Variants in NME7 observed in about 807,000 individuals in gnomAD.
The protein encoded by NME7 is nucleoside diphosphate kinase 7.
In NME7, 41 loss-of-function variants were observed where a neutral mutation model predicts 49.1. That is an observed-to-expected ratio of 0.83 (90% CI 0.65 to 1.08). The LOEUF (loss-of-function observed/expected upper bound fraction) is 1.08, where lower values mean the gene tolerates loss of function less well. Among genes scored for constraint, NME7 ranks in the 50% least tolerant of loss-of-function variants. The pLI is 0.00. For synonymous variants in NME7, 139 were observed against 150.6 expected (o/e 0.92, Z 0.56); for missense variants, 423 against 463.4 (o/e 0.91, Z 0.80).
At chr1:169,251,258 T>G (rs1018090177) in intron 7 of NME7, among the ~76,000 whole-genome samples, 2 of 152,150 alleles carry the variant, frequency 1.3e-5, no homozygotes, top group African/African-American at 4.8e-5. Flanking sequence ...CTGTTGTTGC[T>G]TTAAAATCTG....
At position 169,363,921 on chromosome 1, in the gene NME7, G is replaced by GT. The variant is rs1653755192; in HGVS notation, c.3+3786dup. On this transcript the variant is annotated intron_variant, in intron 1 of 11. Coordinates refer to ENST00000367811, the MANE Select transcript of NME7 (RefSeq NM_013330.5). ...TTCCTGGGAAGTTTGATAACATAAT[G>GT]TAAGACAGGCAAAAACCAAAAACAG... Among the ~76,000 whole-genome samples the GT allele has an allele frequency of 3.3e-5, 5 of 152,294 alleles. No individual in the cohort carries two copies. In the South Asian group the frequency reaches 1.0e-3, roughly 32 times the overall value.
chr1:169,134,785 G>T (rs1411396961), intron 11 of NME7, among the ~76,000 whole-genome samples: 1 of 151,762 alleles, frequency 6.6e-6, no homozygotes, highest in African/African-American at 2.4e-5. Flanking sequence ...AGCACTGAAT[G>T]GATTTAAAGA....
At chr1:169,248,090 A>G (rs1648399192) in intron 7 of NME7, among the ~76,000 whole-genome samples, 1 of 152,190 alleles carries the variant, frequency 6.6e-6, no homozygotes, top group South Asian at 2.1e-4. Context: ...ACTAATTTAC[A>G]TTCCTACCAG....
chr1:169,197,176 C>T (rs1383476557), intron 10 of NME7, among the ~76,000 whole-genome samples: 1 of 151,850 alleles, frequency 6.6e-6, no homozygotes, highest in Admixed American at 6.6e-5. Context: ...ATGAAATGTT[C>T]TATATTTAAC....
intron 1 of NME7, among the ~76,000 whole-genome samples, chr1:169,361,076 C>T (rs929109117): frequency 6.6e-6 from 1 of 152,038 alleles, no homozygotes; most frequent in African/African-American, 2.4e-5. Context: ...TGTGTGCTAT[C>T]TTATTAATCA....
Position 169,268,853 on chromosome 1 carries a change from A to G in NME7, c.754+18450T>C, listed in dbSNP as rs535016403. Among the ~76,000 whole-genome samples, 30 of 133,262 alleles carry G rather than the reference A, an allele frequency of 2.3e-4. 5 individuals carry two copies. The highest frequency in any genetic ancestry group is 6.8e-4 in the African/African-American group (27 of 39,558). 87.4% of individuals were successfully genotyped at this position (133,262 alleles called of 152,430 possible). ...ATACCTACAGAGTACTGTGCTTGGT[A>G]ATGGGGTGACGAAATAATCTGTTAA... is the stretch of plus-strand genomic sequence containing the variant. On this transcript the variant is annotated intron_variant, in intron 7 of 11. Coordinates refer to ENST00000367811, the MANE Select transcript of NME7 (RefSeq NM_013330.5).
intron 4 of NME7, among the ~76,000 whole-genome samples, chr1:169,308,123 C>T (rs1651249949): frequency 6.6e-6 from 1 of 152,056 alleles, no homozygotes; most frequent in African/African-American, 2.4e-5. Context: ...GCAATCTGGT[C>T]TAAATACTGT....
In NME7 at chr1:169,310,061, G is replaced by T. The variant is rs1269494724; in HGVS notation, c.298C>A (p.Pro100Thr). 1 of 1,603,784 alleles carries T rather than the reference G, an allele frequency of 6.2e-7. No individual in the cohort carries two copies. The highest frequency in any genetic ancestry group is 8.5e-7 in the Non-Finnish European group (1 of 1,174,612). The change falls in exon 4 of 12, where the codon CCA becomes ACA. Residue 100 changes from proline (P) to threonine (T), a missense_variant. Physicochemically the swap from Pro to Thr is conservative, Grantham distance 38. Transcript: ENST00000367811. ...RKEKTLALIK[P>T]DAISKAGEII... is the part of the protein sequence containing the mutation. Reference sequence around the variant, plus strand: ...TCTCCAGCCTTTGATATTGCATCTGGTTTAATTAGGGCTAGCGTTCTATAA... The same window carrying T: ...TCTCCAGCCTTTGATATTGCATCTGTTTTAATTAGGGCTAGCGTTCTATAA...
chr1:169,284,390 C>G (rs1034739913), intron 7 of NME7: 1 of 151,918 alleles, frequency 6.6e-6, no homozygotes, highest in African/African-American at 2.4e-5. Context: ...TGAATGTCTT[C>G]TTTTGAGAAG....
rs532269264 is a variant in NME7, at chr1:169,286,576, T to C, written c.754+727A>G. ...ATATGTATATATATGCAAACATGTATATACATACATATGTCAAAGAACTGT... is the reference window on the plus strand; with the variant it reads ...ATATGTATATATATGCAAACATGTACATACATACATATGTCAAAGAACTGT... On this transcript the variant is annotated intron_variant, in intron 7 of 11. Transcript: ENST00000367811. 2.0e-5 allele frequency: 3 copies of C among 152,246 alleles called. No homozygotes were observed. The East Asian group carries it at 5.8e-4, about 29-fold the overall frequency. The allele number at this position is 152,246 out of a possible 1,614,324, so 9.4% of individuals were successfully genotyped here.
rs1451423925 is a variant in NME7, at chr1:169,266,801, C to T, written c.754+20502G>A. Among the ~76,000 whole-genome samples, 4 of 133,290 alleles carry T rather than the reference C, an allele frequency of 3.0e-5. 2 individuals carry two copies. The highest frequency in any genetic ancestry group is 7.1e-5 in the Non-Finnish European group (4 of 56,706). The allele number at this position is 133,290 out of a possible 152,430, so 87.4% of individuals were successfully genotyped here. A position where few individuals can be genotyped will look rare whatever the true frequency, so the allele number is the denominator to read the frequency against. On this transcript the variant is annotated intron_variant, in intron 7 of 11. Transcript: ENST00000367811. ...TAAAAATCAGGGCCAGGTGCAGTGGCTCACACCTGTAATCCCAGGACTTTG... is the reference window on the plus strand; with the variant it reads ...TAAAAATCAGGGCCAGGTGCAGTGGTTCACACCTGTAATCCCAGGACTTTG...
Position 169,298,716 on chromosome 1 carries a change from A to C in NME7, c.488T>G (p.Ile163Ser), listed in dbSNP as rs376824095. 78 of 1,613,654 alleles carry C rather than the reference A, an allele frequency of 4.8e-5. No individual in the cohort carries two copies. The highest frequency in any genetic ancestry group is 5.8e-5 in the Non-Finnish European group (68 of 1,179,864). The change falls in exon 6 of 12, where the codon ATT becomes AGT. Residue 163 changes from isoleucine (I) to serine (S), a missense_variant. Ile to Ser is a moderately radical substitution (Grantham distance 142). Coordinates refer to ENST00000367811, the MANE Select transcript of NME7 (RefSeq NM_013330.5). Reference sequence around the variant, plus strand: ...TTCACATATAGCATCATCTCTTAAAATCTCCATGGCAATAATAGGACCAGT... The same window carrying C: ...TTCACATATAGCATCATCTCTTAAACTCTCCATGGCAATAATAGGACCAGT... ...ITTGPIIAME[I>S]LRDDAICEWK...
chr1:169,155,145 T>A (rs1210064651), intron 11 of NME7, among the ~76,000 whole-genome samples: 2 of 152,184 alleles, frequency 1.3e-5, no homozygotes, highest in South Asian at 4.1e-4. Context: ...AGGACTCAAC[T>A]AGTTTACATT....
chr1:169,220,329 T>C (rs914789434), intron 10 of NME7, among the ~76,000 whole-genome samples: 13 of 152,342 alleles, frequency 8.5e-5, no homozygotes, highest in Admixed American at 4.6e-4. Context: ...TAAACTTTAT[T>C]ACAGTTCAAT....
chr1:169,351,364 G>A (rs907190198), intron 1 of NME7, among the ~76,000 whole-genome samples: 14 of 151,588 alleles, frequency 9.2e-5, no homozygotes, highest in Non-Finnish European at 4.4e-5. Context: ...TGATACAAAC[G>A]ATAAAGGAAA....
intron 1 of NME7, among the ~76,000 whole-genome samples, chr1:169,366,565 G>C (rs1286908370): frequency 6.6e-6 from 1 of 152,134 alleles, no homozygotes; most frequent in Admixed American, 6.5e-5. Flanking sequence ...AACTGGAAGC[G>C]AAATGTAACA....
At chr1:169,327,349 C>T (rs540580738) in intron 1 of NME7, among the ~76,000 whole-genome samples, 11 of 152,308 alleles carry the variant, frequency 7.2e-5, no homozygotes, top group African/African-American at 2.6e-4. Context: ...GAAGCCAAAT[C>T]ATTTTTCCTC....
intron 6 of NME7, among the ~76,000 whole-genome samples, chr1:169,295,072 C>T (rs1415928): frequency 0.076 from 11,594 of 152,208 alleles, 593 homozygotes; most frequent in Admixed American, 0.11. Flanking sequence ...TCTGTGCACA[C>T]GCAGGCTCCC....
intron 1 of NME7, among the ~76,000 whole-genome samples, chr1:169,350,576 C>T (rs577304782): frequency 9.2e-5 from 14 of 151,940 alleles, no homozygotes; most frequent in African/African-American, 3.4e-4. Context: ...TGTCCCTCTC[C>T]CTCTTTATTG....
Sources: allele counts gnomAD v4.1 joint callset (sites outside exome capture counted in the v4.1 genomes callset), GRCh38; gene constraint gnomAD v4.1.1; transcripts MANE v1.5; gene names NCBI Gene and HGNC (gene_info 2026-07-23, HGNC 2026-07-21).